The following CDH22 variants were observed in gnomAD, a reference collection of about 807,000 sequenced individuals.
CDH22 encodes cadherin-22.
CDH22 carries 30 observed loss-of-function variants against 58.4 expected under a neutral mutation model. The ratio of observed to expected loss-of-function variants is 0.51; its 90% CI spans 0.38 to 0.70. The LOEUF is 0.70. CDH22 is among the 30% of genes least tolerant of loss of function. The pLI is 0.00. For synonymous variants in CDH22, 513 were observed against 558.2 expected (o/e 0.92, Z 1.14); for missense variants, 1,014 against 1,233.9 (o/e 0.82, Z 2.67).
intron 8 of CDH22, among the ~76,000 whole-genome samples, chr20:46,192,909 C>T (rs2085871500): frequency 6.6e-6 from 1 of 151,424 alleles, no homozygotes; most frequent in African/African-American, 2.4e-5. Context: ...CCTGCCCTGT[C>T]CCCATGCCCC....
intron 1 of CDH22, among the ~76,000 whole-genome samples, chr20:46,268,234 C>A (rs2086470960): frequency 6.6e-6 from 1 of 152,244 alleles, no homozygotes; most frequent in Non-Finnish European, 1.5e-5. Context: ...CAATAGCAGG[C>A]AAGACGTGGC....
chr20:46,297,807 G>T (rs1315037478), intron 1 of CDH22, among the ~76,000 whole-genome samples: 1 of 151,836 alleles, frequency 6.6e-6, no homozygotes, highest in Non-Finnish European at 1.5e-5. Flanking sequence ...GTTGTTTTGG[G>T]GATTAAATGC....
chr20:46,175,616 CAT>C (rs2085732650), intron 11 of CDH22, among the ~76,000 whole-genome samples: 1 of 152,226 alleles, frequency 6.6e-6, no homozygotes, highest in Non-Finnish European at 1.5e-5. Context: ...GGCCAGGTTC[CAT>C]GCCTTCCCCT....
In CDH22 at chr20:46,213,072, C is replaced by T. The variant is rs1254843514; in HGVS notation, c.955G>A (p.Glu319Lys). ...NTDMTYHLKDESSSGGDVFKV... is the reference protein window; with the variant it reads ...NTDMTYHLKDKSSSGGDVFKV... Reference sequence around the variant, plus strand: ...AACACATCGCCGCCGCTGCTGCTCTCGTCCTTAAGGTGGTAAGTCATGTCT... The same window carrying T: ...AACACATCGCCGCCGCTGCTGCTCTTGTCCTTAAGGTGGTAAGTCATGTCT... Residue 319 changes from glutamate to lysine, a missense_variant, in exon 6 of 12, where the codon GAG becomes AAG. Transcript: ENST00000537909. 2 of 1,614,210 alleles carry T rather than the reference C, an allele frequency of 1.2e-6. No individual in the cohort carries two copies. The highest frequency in any genetic ancestry group is 1.7e-6 in the Non-Finnish European group (2 of 1,180,024).
rs1600698427 is a variant in CDH22 at position 46,210,622 on chromosome 20, G to A, written c.1033-62C>T. 2 of 1,376,890 alleles carry A rather than the reference G, an allele frequency of 1.5e-6. No individual in the cohort carries two copies. Among genetic ancestry groups the A allele is most frequent in the South Asian group, 1.9e-5 (1 of 53,350 alleles). 85.3% of individuals were successfully genotyped at this position (1,376,890 alleles called of 1,614,324 possible). A position where few individuals can be genotyped will look rare whatever the true frequency, so the allele number is the denominator to read the frequency against. On this transcript the variant is annotated intron_variant, in intron 6 of 11. Transcript: ENST00000537909. This position sits in a 1 kb window ranked among gnomAD's most constrained non-coding sequence, Gnocchi z 4.5. Reference sequence around the variant, plus strand: ...GTCTGGTGGACACTGAGGCCTTCACGAGGGAGGCCAAGGCAGGCGGGGTTG... The same window carrying A: ...GTCTGGTGGACACTGAGGCCTTCACAAGGGAGGCCAAGGCAGGCGGGGTTG...
chr20:46,210,408 C>G lies in CDH22; in HGVS notation c.1185G>C (p.Arg395=). The G allele has an allele frequency of 6.8e-7, 1 of 1,462,668 alleles. No homozygotes were observed. 90.6% of individuals were successfully genotyped at this position (1,462,668 alleles called of 1,614,324 possible). A position where few individuals can be genotyped will look rare whatever the true frequency, so the allele number is the denominator to read the frequency against. ...GCACCTCCAGGAGGCCGGAGGGCGG[C>G]CGGAACTCGGGGGGCTCGTCCACGT... ...VTDVDEPPEF[R]PPSGLLEVQE... Residue 395 remains arginine, a synonymous_variant, in exon 7 of 12, where the codon CGG becomes CGC. Transcript: ENST00000537909. This position sits in a 1 kb window ranked among gnomAD's most constrained non-coding sequence, Gnocchi z 4.5.
At chr20:46,249,586 G>T (rs914446276) in intron 2 of CDH22, among the ~76,000 whole-genome samples, 1 of 152,110 alleles carries the variant, frequency 6.6e-6, no homozygotes, top group Non-Finnish European at 1.5e-5. Context: ...CCTTGTCAAG[G>T]ATCCTGATCT....
intron 1 of CDH22, among the ~76,000 whole-genome samples, chr20:46,298,284 C>G (rs1284686697): frequency 6.6e-6 from 1 of 152,238 alleles, no homozygotes; most frequent in Non-Finnish European, 1.5e-5. Flanking sequence ...AAACTTCTCT[C>G]TTCTAGGTAA....
intron 4 of CDH22, among the ~76,000 whole-genome samples, chr20:46,222,875 C>T (rs11905346): frequency 6.6e-6 from 1 of 152,268 alleles, no homozygotes; most frequent in Non-Finnish European, 1.5e-5. Context: ...GGCCCCGTTC[C>T]GGCTCTGCTC....
At chr20:46,279,390 A>G (rs2086537561) in intron 1 of CDH22, among the ~76,000 whole-genome samples, 1 of 152,194 alleles carries the variant, frequency 6.6e-6, no homozygotes, top group Non-Finnish European at 1.5e-5. Flanking sequence ...TTACGGGTCC[A>G]TCGCTAAGGG....
intron 4 of CDH22, among the ~76,000 whole-genome samples, chr20:46,218,521 A>C (rs572399838): frequency 1.3e-5 from 2 of 152,358 alleles, no homozygotes; most frequent in South Asian, 4.1e-4. Flanking sequence ...CGTAGTTCAC[A>C]CATTTGTGGT....
chr20:46,288,899 C>G (rs2086587728), intron 1 of CDH22, among the ~76,000 whole-genome samples: 1 of 152,226 alleles, frequency 6.6e-6, no homozygotes, highest in African/African-American at 2.4e-5. Flanking sequence ...TGCTTCTGCC[C>G]TGGCCCCCTG....
chr20:46,229,289 G>GCC (rs34878778), intron 3 of CDH22, among the ~76,000 whole-genome samples: 1,543 of 138,328 alleles, frequency 0.011, 24 homozygotes, highest in African/African-American at 0.026. Flanking sequence ...ATGCAGAGTG[G>GCC]CCCCCCCCCC....
intron 3 of CDH22, among the ~76,000 whole-genome samples, chr20:46,227,897 C>G (rs1321226321): frequency 6.6e-6 from 1 of 151,642 alleles, no homozygotes; most frequent in East Asian, 1.9e-4. Context: ...ACTCTGGCAA[C>G]GAAAGGCAGC....
At chr20:46,201,898 C>T (rs2085964489) in intron 7 of CDH22, among the ~76,000 whole-genome samples, 1 of 152,190 alleles carries the variant, frequency 6.6e-6, no homozygotes, top group Non-Finnish European at 1.5e-5. Flanking sequence ...TCTCCCCCAA[C>T]CATCCCTCCA....
At chr20:46,223,741 C>CTT (rs2086149196) in intron 4 of CDH22, among the ~76,000 whole-genome samples, 1 of 111,428 alleles carries the variant, frequency 9.0e-6, no homozygotes, top group Non-Finnish European at 1.9e-5. Flanking sequence ...TTCTTTCTTT[C>CTT]TCTTTCCTCT....
rs774459046 is a variant in CDH22, at chr20:46,210,609, CTG to C, written c.1033-51_1033-50del. The C allele has an allele frequency of 2.9e-6, 4 of 1,399,224 alleles. No homozygotes were observed. Among genetic ancestry groups the C allele is most frequent in the Non-Finnish European group, 3.7e-6 (4 of 1,070,068 alleles). The allele number at this position is 1,399,224 out of a possible 1,614,324, so 86.7% of individuals were successfully genotyped here. On this transcript the variant is annotated intron_variant, in intron 6 of 11. Coordinates refer to ENST00000537909, the MANE Select transcript of CDH22 (RefSeq NM_021248.3). This position sits in a 1 kb window ranked among gnomAD's most constrained non-coding sequence, Gnocchi z 4.5. ...GTTAGTGGGTGGGGTCTGGTGGACA[CTG>C]AGGCCTTCACGAGGGAGGCCAAGGC...
At chr20:46,233,245 C>T (rs2086231585) in intron 3 of CDH22, among the ~76,000 whole-genome samples, 1 of 152,102 alleles carries the variant, frequency 6.6e-6, no homozygotes, top group African/African-American at 2.4e-5. Flanking sequence ...AACACCCTCC[C>T]CTCCTCACCT....
At chr20:46,291,746 C>G (rs1277244392) in intron 1 of CDH22, among the ~76,000 whole-genome samples, 1 of 152,262 alleles carries the variant, frequency 6.6e-6, no homozygotes, top group Non-Finnish European at 1.5e-5. Context: ...TGGGGTGCAC[C>G]TCTGCACAGC....
Sources: gnomAD v4.1 joint callset for allele counts (sites outside exome capture counted in the v4.1 genomes callset) on GRCh38, gnomAD v4.1.1 for gene constraint, Gnocchi (gnomAD v3.1) non-coding constraint, MANE v1.5 for transcripts, NCBI Gene and HGNC (gene_info 2026-07-23, HGNC 2026-07-21) for gene names.